CTNNA3: variants seen among roughly 807,000 people sequenced by gnomAD.
CTNNA3 encodes catenin alpha-3.
Under a neutral mutation model 95.7 loss-of-function variants are expected in CTNNA3, and 76 were observed. That is an observed-to-expected ratio of 0.79 (90% CI 0.66 to 0.96). CTNNA3 has a LOEUF of 0.96. Among genes scored for constraint, CTNNA3 ranks in the 40% least tolerant of loss-of-function variants. The pLI is 0.00. For missense variants in CTNNA3, 1,191 were observed against 1,089.8 expected, an observed-to-expected ratio of 1.09 and a Z score of -1.31; for synonymous variants, 431 against 374.4, an observed-to-expected ratio of 1.15 and a Z score of -1.74.
At chr10:66,665,461 C>T (rs892282443) in intron 9 of CTNNA3, among the ~76,000 whole-genome samples, 1 of 152,188 alleles carries the variant, frequency 6.6e-6, no homozygotes, top group Admixed American at 6.5e-5. Flanking sequence ...ATGCAAAAGT[C>T]ACACAATTTT....
At chr10:66,749,676 T>C (rs1474327495) in intron 9 of CTNNA3, among the ~76,000 whole-genome samples, 3 of 152,326 alleles carry the variant, frequency 2.0e-5, no homozygotes, top group East Asian at 3.9e-4. Context: ...TGAACATCCA[T>C]GTGGAGGTTC....
At position 66,106,553 on chromosome 10, in the gene CTNNA3, G is replaced by A. The variant is rs540194209; in HGVS notation, c.1885-3304C>T. The stretch of plus-strand genomic sequence containing the variant: ...GTTTGTTTCCCTCAGAATAAAATTC[G>A]GATAATAATACCTAATCCCAAAAGT... On this transcript the variant is annotated intron_variant, in intron 13 of 17. Coordinates refer to ENST00000433211, the MANE Select transcript of CTNNA3 (RefSeq NM_013266.4). Among the ~76,000 whole-genome samples, 6 of 152,070 alleles carry A rather than the reference G, an allele frequency of 3.9e-5. No homozygotes were observed. In the South Asian group the frequency reaches 8.3e-4, roughly 21 times the overall value.
chr10:66,461,412 C>A (rs2093528330), intron 11 of CTNNA3, among the ~76,000 whole-genome samples: 1 of 151,946 alleles, frequency 6.6e-6, no homozygotes, highest in Non-Finnish European at 1.5e-5. Context: ...TTATAAATTG[C>A]ATAATAAAAA....
At chr10:66,038,220 G>T (rs2079607100) in intron 15 of CTNNA3, among the ~76,000 whole-genome samples, 2 of 152,194 alleles carry the variant, frequency 1.3e-5, no homozygotes, top group African/African-American at 4.8e-5. Flanking sequence ...GCTTATTAAG[G>T]TGAATTCTGA....
intron 7 of CTNNA3, among the ~76,000 whole-genome samples, chr10:67,049,256 C>A (rs187134184): frequency 2.6e-4 from 39 of 152,042 alleles, no homozygotes; most frequent in African/African-American, 9.4e-4. Flanking sequence ...GTAGACCGTG[C>A]CTGATAAGGT....
chr10:67,303,826 G>A (rs1479120543), intron 5 of CTNNA3, among the ~76,000 whole-genome samples: 2 of 152,062 alleles, frequency 1.3e-5, no homozygotes, highest in Non-Finnish European at 2.9e-5. Context: ...TGCTAAGTGA[G>A]GATCTAACCT....
intron 7 of CTNNA3, among the ~76,000 whole-genome samples, chr10:67,001,913 G>C (rs1321962071): frequency 6.6e-6 from 1 of 152,086 alleles, no homozygotes; most frequent in Non-Finnish European, 1.5e-5. Flanking sequence ...CTACAACCAG[G>C]CATTTCTCTT....
intron 6 of CTNNA3, among the ~76,000 whole-genome samples, chr10:67,203,062 T>C (rs892264995): frequency 2.6e-5 from 4 of 152,184 alleles, no homozygotes; most frequent in African/African-American, 9.7e-5. Flanking sequence ...TGTATCTCTT[T>C]CTTTTTGGCT....
At chr10:67,542,708 T>G (rs192813785) in intron 3 of CTNNA3, among the ~76,000 whole-genome samples, 22 of 152,190 alleles carry the variant, frequency 1.4e-4, no homozygotes, top group Admixed American at 5.2e-4. Flanking sequence ...AGGATCTACC[T>G]CTGCCTGAGG....
chr10:66,014,005 C>G (rs549176455), intron 15 of CTNNA3, among the ~76,000 whole-genome samples: 17 of 152,122 alleles, frequency 1.1e-4, no homozygotes, highest in African/African-American at 4.1e-4. Context: ...CCTGAAATTT[C>G]TAAAATGTTT....
intron 7 of CTNNA3, among the ~76,000 whole-genome samples, chr10:67,119,875 G>A (rs548742723): frequency 1.3e-5 from 2 of 151,976 alleles, no homozygotes; most frequent in Non-Finnish European, 2.9e-5. Flanking sequence ...ATGAAATACT[G>A]CAAGTATTTC....
Position 66,370,073 on chromosome 10 carries a change from C to A in CTNNA3, c.1732+9079G>T, listed in dbSNP as rs145005950. Among the ~76,000 whole-genome samples the A allele has an allele frequency of 2.7e-3, 411 of 152,128 alleles. 2 individuals carry two copies. Among genetic ancestry groups the A allele is most frequent in the African/African-American group, 9.6e-3 (398 of 41,516 alleles). ...GGAAATGCAATCTGATTTACACACTCGAATTCACATGGTTTATGTTCTCTC... is the reference window on the plus strand; with the variant it reads ...GGAAATGCAATCTGATTTACACACTAGAATTCACATGGTTTATGTTCTCTC... On this transcript the variant is annotated intron_variant, in intron 12 of 17. Coordinates refer to ENST00000433211, the MANE Select transcript of CTNNA3 (RefSeq NM_013266.4).
chr10:67,750,667 G>A, intron 1 of CTNNA3: 1 of 1,545,954 alleles, frequency 6.5e-7, no homozygotes, highest in East Asian at 2.2e-5. Flanking sequence ...AGATGATAAA[G>A]GTAATATGAT....
intron 7 of CTNNA3, chr10:67,097,635 A>G: frequency 1.2e-6 from 2 of 1,612,664 alleles, no homozygotes; most frequent in Non-Finnish European, 1.7e-6. Context: ...CGACCAGCCC[A>G]CAATAAGTTA....
intron 15 of CTNNA3, among the ~76,000 whole-genome samples, chr10:66,004,402 A>G (rs2078837490): frequency 6.6e-6 from 1 of 151,606 alleles, no homozygotes; most frequent in Admixed American, 6.6e-5. Context: ...TTTTTTTCCC[A>G]TCTACTTGGG....
At chr10:67,306,419 G>A (rs1840555685) in intron 5 of CTNNA3, among the ~76,000 whole-genome samples, 1 of 152,270 alleles carries the variant, frequency 6.6e-6, no homozygotes, top group Non-Finnish European at 1.5e-5. Context: ...TGCAAGATAG[G>A]TGATTGAAGA....
At chr10:66,468,966 T>C (rs1839030437) in intron 11 of CTNNA3, among the ~76,000 whole-genome samples, 1 of 151,786 alleles carries the variant, frequency 6.6e-6, no homozygotes, top group Non-Finnish European at 1.5e-5. Flanking sequence ...ATGAATATGC[T>C]TTGCATAAAA....
intron 13 of CTNNA3, among the ~76,000 whole-genome samples, chr10:66,214,338 T>C (rs1012862979): frequency 1.3e-5 from 2 of 152,210 alleles, no homozygotes; most frequent in African/African-American, 4.8e-5. Context: ...GCATATAAAA[T>C]GGAGAAACAG....
chr10:67,593,787 A>G lies in CTNNA3; in HGVS notation c.292+13070T>C, dbSNP rs1260742825. Among the ~76,000 whole-genome samples, 3 of 152,196 alleles carry G rather than the reference A, an allele frequency of 2.0e-5. No individual in the cohort carries two copies. The East Asian group carries it at 5.8e-4, about 29-fold the overall frequency. On this transcript the variant is annotated intron_variant, in intron 3 of 17. Transcript: ENST00000433211. Reference sequence around the variant, plus strand: ...ACTGATTGTTCTGGCTAGGACTTCCAGTACTATGTTGAATAGGAGTGATGA... The same window carrying G: ...ACTGATTGTTCTGGCTAGGACTTCCGGTACTATGTTGAATAGGAGTGATGA...
Sources: gnomAD v4.1 joint callset for allele counts (sites outside exome capture counted in the v4.1 genomes callset) on GRCh38, gnomAD v4.1.1 for gene constraint, MANE v1.5 for transcripts, NCBI Gene and HGNC (gene_info 2026-07-23, HGNC 2026-07-21) for gene names.